The following CTNNA2 variants were observed in gnomAD, a reference collection of about 807,000 sequenced individuals.
CTNNA2 encodes catenin alpha-2.
CTNNA2 carries 42 observed loss-of-function variants against 101.0 expected under a neutral mutation model. That is an observed-to-expected ratio of 0.42 (90% CI 0.32 to 0.54). The LOEUF (loss-of-function observed/expected upper bound fraction) is 0.54, where lower values mean the gene tolerates loss of function less well. Ranked by LOEUF, CTNNA2 falls within the 20% of genes least tolerant of loss-of-function variation. CTNNA2 has a pLI of 0.14. For missense variants in CTNNA2, 871 were observed against 1,223.1 expected, an observed-to-expected ratio of 0.71 and a Z score of 4.29; for synonymous variants, 450 against 456.4, an observed-to-expected ratio of 0.99 and a Z score of 0.18.
chr2:80,089,386 G>T (rs1179803290), intron 7 of CTNNA2, among the ~76,000 whole-genome samples: 1 of 151,918 alleles, frequency 6.6e-6, no homozygotes, highest in Non-Finnish European at 1.5e-5. Flanking sequence ...GAAAACCAGG[G>T]TCTTAGAATC....
chr2:79,471,595 T>G (rs1406643474), intron 4 of CTNNA2, among the ~76,000 whole-genome samples: 1 of 152,018 alleles, frequency 6.6e-6, no homozygotes, highest in East Asian at 1.9e-4. Flanking sequence ...TCCCAGCACT[T>G]TGGGAGGCTG....
At chr2:80,001,698 T>A (rs570766852) in intron 7 of CTNNA2, among the ~76,000 whole-genome samples, 28 of 152,248 alleles carry the variant, frequency 1.8e-4, no homozygotes, top group Non-Finnish European at 3.4e-4. Flanking sequence ...TTCTTTGGGA[T>A]CCTGATGTTG....
At chr2:79,681,564 G>A (rs1483881124) in intron 2 of CTNNA2, among the ~76,000 whole-genome samples, 1 of 152,220 alleles carries the variant, frequency 6.6e-6, no homozygotes, top group Non-Finnish European at 1.5e-5. Flanking sequence ...TTTGATCAAT[G>A]TCCACAAGTG....
At chr2:79,687,630 T>C in intron 2 of CTNNA2, 1 of 682,146 alleles carries the variant, frequency 1.5e-6, no homozygotes, top group Non-Finnish European at 2.7e-6. Flanking sequence ...GACTGTCATC[T>C]TGAAAAAGGA....
At chr2:80,031,502 G>A (rs899732172) in intron 7 of CTNNA2, among the ~76,000 whole-genome samples, 1 of 152,152 alleles carries the variant, frequency 6.6e-6, no homozygotes, top group Non-Finnish European at 1.5e-5. Context: ...ATCAAATCTT[G>A]TGAGACTTAT....
chr2:79,497,218 C>T (rs1186499937), intron 4 of CTNNA2, among the ~76,000 whole-genome samples: 5 of 152,204 alleles, frequency 3.3e-5, no homozygotes, highest in African/African-American at 1.2e-4. Context: ...AGACCGTACT[C>T]TCCCTTTCAG....
At chr2:80,631,859 G>A (rs977319218) in intron 18 of CTNNA2, among the ~76,000 whole-genome samples, 11 of 152,114 alleles carry the variant, frequency 7.2e-5, no homozygotes, top group Admixed American at 1.3e-4. Flanking sequence ...AGAATGATGC[G>A]CCTAAAGTGA....
chr2:79,559,845 A>G (rs942588866), intron 1 of CTNNA2, among the ~76,000 whole-genome samples: 2 of 151,826 alleles, frequency 1.3e-5, no homozygotes, highest in Non-Finnish European at 2.9e-5. Flanking sequence ...TAACGAAAAA[A>G]CTACCATTTA....
At chr2:79,493,454 A>G (rs904537852) in intron 4 of CTNNA2, among the ~76,000 whole-genome samples, 2 of 152,140 alleles carry the variant, frequency 1.3e-5, no homozygotes, top group African/African-American at 4.8e-5. Context: ...CATCTCTACT[A>G]AAAATACAAA....
At chr2:79,379,606 G>C (rs181498183) in intron 4 of CTNNA2, among the ~76,000 whole-genome samples, 6 of 152,238 alleles carry the variant, frequency 3.9e-5, no homozygotes, top group Admixed American at 3.9e-4. Flanking sequence ...TGAATAATAC[G>C]ATTGTGGTTA....
rs1336151444 is a variant in CTNNA2, at chr2:79,452,518, A to G, written c.-134-52536A>G. On this transcript the variant is annotated intron_variant, in intron 4 of 21. Transcript: ENST00000466387. ...TAATTATCTAAATATTATAGTTAAG[A>G]GAGATTTTTTCTCCCTTTAAAATAA... 2.0e-5 allele frequency among the ~76,000 whole-genome samples: 3 copies of G among 151,934 alleles called. No individual in the cohort carries two copies. The East Asian group carries it at 5.9e-4, about 30-fold the overall frequency.
chr2:79,821,152 G>A (rs1354444322), intron 3 of CTNNA2, among the ~76,000 whole-genome samples: 1 of 152,080 alleles, frequency 6.6e-6, no homozygotes, highest in Non-Finnish European at 1.5e-5. Flanking sequence ...TAATTCCCCT[G>A]CAAGATAAAG....
chr2:79,774,180 G>C (rs1673795517), intron 3 of CTNNA2, among the ~76,000 whole-genome samples: 1 of 152,154 alleles, frequency 6.6e-6, no homozygotes, highest in Admixed American at 6.5e-5. Context: ...TTTCTGCCCT[G>C]TTGTAATGCT....
At chr2:79,345,267 C>A (rs1264785521) in intron 3 of CTNNA2, among the ~76,000 whole-genome samples, 2 of 152,014 alleles carry the variant, frequency 1.3e-5, no homozygotes, top group Non-Finnish European at 2.9e-5. Context: ...GTTCAATTTT[C>A]CCTTAAGAGA....
At chr2:80,206,555 G>T (rs1278952285) in intron 7 of CTNNA2, among the ~76,000 whole-genome samples, 1 of 152,326 alleles carries the variant, frequency 6.6e-6, no homozygotes, top group South Asian at 2.1e-4. Flanking sequence ...AGTTTTGCAT[G>T]GTGAAAAGAG....
chr2:80,026,131 G>A (rs1694912292), intron 7 of CTNNA2, among the ~76,000 whole-genome samples: 1 of 152,166 alleles, frequency 6.6e-6, no homozygotes, highest in African/African-American at 2.4e-5. Context: ...ACCTGAAGGA[G>A]GTGAGGCAGC....
At chr2:80,232,570 A>C (rs1709317894) in intron 7 of CTNNA2, among the ~76,000 whole-genome samples, 1 of 151,858 alleles carries the variant, frequency 6.6e-6, no homozygotes, top group Non-Finnish European at 1.5e-5. Context: ...ATCAGTGAGC[A>C]TGTTAACTGG....
chr2:79,817,446 C>G (rs980254004), intron 3 of CTNNA2, among the ~76,000 whole-genome samples: 2 of 149,246 alleles, frequency 1.3e-5, no homozygotes, highest in Non-Finnish European at 3.0e-5. Flanking sequence ...GGATCAGGCT[C>G]TCGTATTTCC....
In CTNNA2 at chr2:80,011,980, C is replaced by T. The variant is rs143620948; in HGVS notation, c.1056+102183C>T. ...CTTCAGTACAACTGAAGCAGTCATA[C>T]ACCACTTCTGATTACTGGGGCGATA... On this transcript the variant is annotated intron_variant, in intron 7 of 18. Coordinates refer to ENST00000402739, the MANE Select transcript of CTNNA2 (RefSeq NM_001282597.3). Among the ~76,000 whole-genome samples the T allele has an allele frequency of 3.3e-5, 5 of 152,262 alleles. No individual in the cohort carries two copies. The East Asian group carries it at 7.7e-4, about 24-fold the overall frequency.
Sources: allele counts gnomAD v4.1 joint callset (sites outside exome capture counted in the v4.1 genomes callset), GRCh38; gene constraint gnomAD v4.1.1; transcripts MANE v1.5; gene names NCBI Gene and HGNC (gene_info 2026-07-23, HGNC 2026-07-21).